ACSS1: variants seen among roughly 807,000 people sequenced by gnomAD.
ACSS1 encodes acetyl-coenzyme A synthetase 2-like, mitochondrial.
Under a neutral mutation model 75.3 loss-of-function variants are expected in ACSS1, and 42 were observed. The observed-to-expected ratio is 0.56, with a 90% CI of 0.44 to 0.72. ACSS1 has a LOEUF of 0.72. Among genes scored for constraint, ACSS1 ranks in the 30% least tolerant of loss-of-function variants. The probability of loss-of-function intolerance (pLI) is 0.00; values close to 1 mark genes in which losing one functional copy is unlikely to be tolerated. For synonymous variants in ACSS1, 380 were observed against 376.8 expected (o/e 1.01, Z -0.10); for missense variants, 782 against 935.7 (o/e 0.84, Z 2.14).
Position 25,013,519 on chromosome 20 carries a change from C to A in ACSS1, c.1579+17G>T, listed in dbSNP as rs2088454644. ...TCAGCTGAAAAGGAATGAGAGGGTCCCTGACAGCCTGCTCACCTGGGTAGG... is the reference window on the plus strand; with the variant it reads ...TCAGCTGAAAAGGAATGAGAGGGTCACTGACAGCCTGCTCACCTGGGTAGG... On this transcript the variant is annotated intron_variant, in intron 10 of 13. Coordinates refer to ENST00000323482, the MANE Select transcript of ACSS1 (RefSeq NM_032501.4). The A allele has an allele frequency of 1.3e-6, 2 of 1,576,712 alleles. No individual in the cohort carries two copies. Among genetic ancestry groups the A allele is most frequent in the South Asian group, 2.2e-5 (2 of 89,194 alleles).
chr20:25,015,364 T>C, intron 7 of ACSS1, 134 bp from the exon 8 acceptor site: 1 of 699,822 alleles, frequency 1.4e-6, no homozygotes, highest in Non-Finnish European at 2.3e-6. Flanking sequence ...AGGATGATCT[T>C]GGCTCATTGC....
chr20:25,013,490 G>C, intron 10 of ACSS1, 46 bp downstream of exon 10: 1 of 1,553,786 alleles, frequency 6.4e-7, no homozygotes, highest in East Asian at 2.3e-5. Flanking sequence ...TAAGATTCCA[G>C]CAGTCAGCTG....
At chr20:25,041,151 A>C (rs908443479) in intron 2 of ACSS1, among the ~76,000 whole-genome samples, 3 of 151,664 alleles carry the variant, frequency 2.0e-5, no homozygotes, top group Non-Finnish European at 4.4e-5. Context: ...CCAGCTACTC[A>C]GGAGGCTGAG....
At chr20:25,041,494 C>T (rs2089003859) in intron 2 of ACSS1, among the ~76,000 whole-genome samples, 1 of 152,182 alleles carries the variant, frequency 6.6e-6, no homozygotes, top group Non-Finnish European at 1.5e-5. Flanking sequence ...GCCCTTGTCC[C>T]CAGGCCACCG....
At chr20:25,053,631 C>T (rs2089205923) in intron 1 of ACSS1, among the ~76,000 whole-genome samples, 1 of 152,174 alleles carries the variant, frequency 6.6e-6, no homozygotes, top group South Asian at 2.1e-4. Flanking sequence ...CACAGGCGCA[C>T]AGCGTCTTGC....
intron 7 of ACSS1, among the ~76,000 whole-genome samples, chr20:25,016,139 C>T (rs2088511682): frequency 6.6e-6 from 1 of 152,206 alleles, no homozygotes; most frequent in African/African-American, 2.4e-5. Flanking sequence ...CACAGCGGCA[C>T]TGGTGAGTCT....
At chr20:25,032,461 T>C in intron 2 of ACSS1, 1 of 1,337,072 alleles carries the variant, frequency 7.5e-7, no homozygotes, top group African/African-American at 1.5e-5. Flanking sequence ...ACCTGGCAAT[T>C]GCATTAACCA....
chr20:25,014,079 G>A lies in ACSS1; in HGVS notation c.1340-6C>T. 6.3e-7 allele frequency: 1 copy of A among 1,598,256 alleles called. No homozygotes were observed. The highest frequency in any genetic ancestry group is 8.5e-7 in the Non-Finnish European group (1 of 1,172,344). ...GATGCAGATGCCACCTGTTTCTGCA[G>A]GTATGACAAGAAAGAAATGCATAAT... On this transcript the variant is annotated splice_region_variant and splice_polypyrimidine_tract_variant and intron_variant, in intron 8 of 13. Coordinates refer to ENST00000323482, the MANE Select transcript of ACSS1 (RefSeq NM_032501.4).
intron 2 of ACSS1, among the ~76,000 whole-genome samples, chr20:25,037,272 A>C (rs2088929164): frequency 6.6e-6 from 1 of 152,134 alleles, no homozygotes. Context: ...GCAGGTGAGC[A>C]TGAAGTGGGA....
intron 12 of ACSS1, chr20:25,010,574 A>C (rs1042466705): frequency 6.6e-6 from 1 of 152,184 alleles, no homozygotes; most frequent in Non-Finnish European, 1.5e-5. Context: ...GCCTTTCCTG[A>C]CTCCACCCAT....
At position 25,023,462 on chromosome 20, in the gene ACSS1, C is replaced by T. The variant is rs1361575208; in HGVS notation, c.807+4G>A. 7 of 1,613,958 alleles carry T rather than the reference C, an allele frequency of 4.3e-6. No individual in the cohort carries two copies. In the South Asian group the frequency reaches 5.5e-5, roughly 13 times the overall value. On this transcript the variant is annotated splice_donor_region_variant and intron_variant, in intron 4 of 13. Coordinates refer to ENST00000323482, the MANE Select transcript of ACSS1 (RefSeq NM_032501.4). ...CTCAAACTGTGCAAAGCGAGGTAAC[C>T]CACCTGCTCCAGCGGGACGTCCAGA...
At position 25,007,511 on chromosome 20, in the gene ACSS1, A is replaced by G. The variant is rs545601005; in HGVS notation, c.*251T>C. ...GATGGCAATGCCTTTTCATTCCAGGAAACCAAACTCAGATGGCAGAACCAG... is the reference window on the plus strand; with the variant it reads ...GATGGCAATGCCTTTTCATTCCAGGGAACCAAACTCAGATGGCAGAACCAG... On this transcript the variant is annotated 3_prime_UTR_variant, in exon 14 of 14. Transcript: ENST00000323482. The G allele has an allele frequency of 1.1e-4, 145 of 1,319,144 alleles. No individual in the cohort carries two copies. In the African/African-American group the frequency reaches 2.0e-3, roughly 18 times the overall value. The allele number at this position is 1,319,144 out of a possible 1,614,324, so 81.7% of individuals were successfully genotyped here.
intron 12 of ACSS1, 119 bp from the exon 13 acceptor site, chr20:25,009,507 G>A (rs978064081): frequency 1.3e-6 from 1 of 784,054 alleles, no homozygotes; most frequent in Admixed American, 2.2e-5. Flanking sequence ...CTATGTTAGT[G>A]ACATTGTAGC....
chr20:25,025,633 G>A (rs1020858638), intron 3 of ACSS1, among the ~76,000 whole-genome samples: 5 of 152,164 alleles, frequency 3.3e-5, no homozygotes, highest in African/African-American at 1.2e-4. Flanking sequence ...CCACCTCCAG[G>A]CCATTTCAGT....
chr20:25,027,026 G>A (rs1484665649), intron 3 of ACSS1, among the ~76,000 whole-genome samples: 1 of 152,224 alleles, frequency 6.6e-6, no homozygotes, highest in Non-Finnish European at 1.5e-5. Context: ...GAGAGAAAAG[G>A]GGCAGCTTAG....
chr20:25,036,908 T>G (rs778109283), intron 2 of ACSS1, among the ~76,000 whole-genome samples: 9 of 142,756 alleles, frequency 6.3e-5, no homozygotes, highest in Non-Finnish European at 1.2e-4. Context: ...TGAACTGAGA[T>G]CCCATCACTG....
In ACSS1 at chr20:25,023,589, C is replaced by G. The variant is rs112797917; in HGVS notation, c.684G>C (p.Val228=). ...TFNQGLRGGR[V]VELKKIVDEA... ...CATCCACTATTTTCTTCAGCTCCAC[C>G]ACGCGCCCACCCCGGAGTCCTTGGT... Residue 228 remains valine (V), a synonymous_variant, in exon 4 of 14, where the codon GTG becomes GTC. Coordinates refer to ENST00000323482, the MANE Select transcript of ACSS1 (RefSeq NM_032501.4). The G allele has an allele frequency of 5.0e-6, 8 of 1,613,830 alleles. No homozygotes were observed. Among genetic ancestry groups the G allele is most frequent in the African/African-American group, 4.0e-5 (3 of 75,006 alleles).
Position 25,058,078 on chromosome 20 carries a change from C to G in ACSS1, c.25G>C (p.Gly9Arg). 1 of 1,264,706 alleles carries G rather than the reference C, an allele frequency of 7.9e-7. No individual in the cohort carries two copies. The highest frequency in any genetic ancestry group is 9.9e-7 in the Non-Finnish European group (1 of 1,008,940). 78.3% of individuals were successfully genotyped at this position (1,264,706 alleles called of 1,614,324 possible). ...AGGCTGCCCAGCAGCCTCCCGACGC[C>G]GCGGCCCAGGGTGCGCGCCGCCATC... MAARTLGR[G>R]VGRLLGSLRG... The change falls in exon 1 of 14, where the codon GGC (glycine) becomes CGC (arginine). Residue 9 changes from glycine to arginine, a missense_variant. Physicochemically the swap from Gly to Arg is moderately radical, Grantham distance 125. This residue lies in a region of ACSS1 where 377 missense variants were observed against 383.1 expected (regional missense o/e 0.98). Transcript: ENST00000323482.
chr20:25,020,793 G>A (rs746306081), intron 6 of ACSS1, among the ~76,000 whole-genome samples: 27 of 152,372 alleles, frequency 1.8e-4, no homozygotes, highest in Non-Finnish European at 3.5e-4. Context: ...TCCATGCACA[G>A]TTGTCAGTGC....
Sources: allele counts gnomAD v4.1 joint callset (sites outside exome capture counted in the v4.1 genomes callset), GRCh38; gene constraint gnomAD v4.1.1; regional missense constraint gnomAD v4.1.1; transcripts MANE v1.5; gene names NCBI Gene and HGNC (gene_info 2026-07-23, HGNC 2026-07-21).